ACAN: variants seen among roughly 807,000 people sequenced by gnomAD.
The protein encoded by ACAN is aggrecan, also known as aggrecan core protein.
A neutral mutation model predicts 169.1 loss-of-function variants in ACAN; 47 were observed. That is an observed-to-expected ratio of 0.28 (90% CI 0.22 to 0.35). ACAN has a LOEUF of 0.35. Among genes scored for constraint, ACAN ranks in the 10% least tolerant of loss-of-function variants. The pLI is 1.00. For synonymous variants in ACAN, 1,115 were observed against 1,112.2 expected (o/e 1.00, Z -0.05); for missense variants, 2,716 against 2,759.9 (o/e 0.98, Z 0.36).
intron 1 of ACAN, among the ~76,000 whole-genome samples, chr15:88,816,064 C>T (rs1176184508): frequency 1.3e-5 from 2 of 152,200 alleles, no homozygotes; most frequent in African/African-American, 4.8e-5. Flanking sequence ...TCTGCCTCGG[C>T]TGTCACTTGG....
rs760924730 is a variant in ACAN at position 88,849,704 on chromosome 15, T to G, written c.1999T>G (p.Ser667Ala). ...CCAGACGGGCCTCCCAGACCCACTGTCCCGGCACCATGCCTTCTGCTTCCG... is the reference window on the plus strand; with the variant it reads ...CCAGACGGGCCTCCCAGACCCACTGGCCCGGCACCATGCCTTCTGCTTCCG... ...PNQTGLPDPL[S>A]RHHAFCFRGI... The change falls in exon 10 of 19, where the codon TCC becomes GCC. Residue 667 changes from serine (S) to alanine (A), a missense_variant. Ser to Ala is a moderately conservative substitution (Grantham distance 99, BLOSUM62 1). Around this residue, in one of 3 missense-constraint regions of ACAN, gnomAD observed 1,283 missense variants for 1,281.5 expected, o/e 1.00. Transcript: ENST00000560601. The surrounding 1 kb of genome is among the most constrained non-coding windows in gnomAD (Gnocchi z 5.1). The G allele has an allele frequency of 8.1e-6, 13 of 1,613,804 alleles. No individual in the cohort carries two copies. Among genetic ancestry groups the G allele is most frequent in the Non-Finnish European group, 1.1e-5 (13 of 1,179,870 alleles).
intron 1 of ACAN, among the ~76,000 whole-genome samples, chr15:88,819,203 A>G (rs977787985): frequency 6.6e-6 from 1 of 152,218 alleles, no homozygotes; most frequent in Non-Finnish European, 1.5e-5. Context: ...CTGGAAAGGA[A>G]GGAAACAAAG....
At chr15:88,832,181 C>A (rs1020352000) in intron 1 of ACAN, among the ~76,000 whole-genome samples, 5 of 151,574 alleles carry the variant, frequency 3.3e-5, no homozygotes, top group African/African-American at 1.2e-4. Flanking sequence ...TATTGTAAAG[C>A]ATCATGATCG....
rs1896723049 is a variant in ACAN, at chr15:88,843,637, T to C, written c.1040T>C (p.Ile347Thr). Residue 347 changes from isoleucine (I) to threonine (T), a missense_variant, in exon 6 of 19, where the codon ATC (isoleucine) becomes ACC (threonine). Physicochemically the swap from Ile to Thr is moderately conservative, Grantham distance 89. Transcript: ENST00000560601. The surrounding 1 kb of genome is among the most constrained non-coding windows in gnomAD (Gnocchi z 4.0). ...YPDPSSRYDA[I>T]CYTGEDFVDI... is the part of the protein sequence containing the mutation. ...GACCCCTCATCCCGCTACGACGCCA[T>C]CTGCTACACAGGTGGGGCACGGCTG... 1 of 1,578,450 alleles carries C rather than the reference T, an allele frequency of 6.3e-7. No individual in the cohort carries two copies. Among genetic ancestry groups the C allele is most frequent in the Non-Finnish European group, 8.7e-7 (1 of 1,154,730 alleles).
Position 88,807,783 on chromosome 15 carries a change from T to TGTGTGC in ACAN, c.-8+3977_-8+3978insTGCGTG, listed in dbSNP as rs1417635759. On this transcript the variant is annotated intron_variant, in intron 1 of 18. Coordinates refer to ENST00000560601, the MANE Select transcript of ACAN (RefSeq NM_001369268.1). The surrounding 1 kb of genome is among the most constrained non-coding windows in gnomAD (Gnocchi z 4.0). ...GTGTGTGTGTGTGTGTGTGTGTGTG[T>TGTGTGC]GTGCATGCTGGCAGGGCGGGCCCTG... Among the ~76,000 whole-genome samples the TGTGTGC allele has an allele frequency of 3.3e-5, 5 of 151,886 alleles. No homozygotes were observed. Among genetic ancestry groups the TGTGTGC allele is most frequent in the African/African-American group, 1.2e-4 (5 of 41,372 alleles).
At chr15:88,809,976 G>A (rs1895778194) in intron 1 of ACAN, among the ~76,000 whole-genome samples, 1 of 152,194 alleles carries the variant, frequency 6.6e-6, no homozygotes, top group South Asian at 2.1e-4. Flanking sequence ...CCAAAGGGGT[G>A]GATTTGGGTA....
intron 1 of ACAN, among the ~76,000 whole-genome samples, chr15:88,812,587 C>T (rs1015002386): frequency 5.9e-5 from 9 of 152,210 alleles, no homozygotes; most frequent in Admixed American, 5.2e-4. Context: ...CCCTCTCGGT[C>T]CCCCTGCCCA....
rs142680203 is a variant in ACAN, at chr15:88,869,945, C to G, written c.7061-1437C>G. ...AGTTGCACCCTCCAGCTCTGCCTGC[C>G]CAGCTCAGCCCTTAGCCACTGAAGG... is the stretch of plus-strand genomic sequence containing the variant. On this transcript the variant is annotated intron_variant, in intron 14 of 18. Coordinates refer to ENST00000560601, the MANE Select transcript of ACAN (RefSeq NM_001369268.1). The surrounding 1 kb of genome is among the most constrained non-coding windows in gnomAD (Gnocchi z 4.2). Among the ~76,000 whole-genome samples, 6 of 152,286 alleles carry G rather than the reference C, an allele frequency of 3.9e-5. No individual in the cohort carries two copies. Among genetic ancestry groups the G allele is most frequent in the African/African-American group, 1.4e-4 (6 of 41,554 alleles).
At chr15:88,835,406 T>TACAC (rs142175879) in intron 1 of ACAN, among the ~76,000 whole-genome samples, 34 of 150,154 alleles carry the variant, frequency 2.3e-4, no homozygotes, top group African/African-American at 7.6e-4. Flanking sequence ...GACACACACA[T>TACAC]ACACACACAC....
At chr15:88,831,254 C>T (rs1596125151) in intron 1 of ACAN, among the ~76,000 whole-genome samples, 1 of 152,234 alleles carries the variant, frequency 6.6e-6, no homozygotes, top group Admixed American at 6.5e-5. Flanking sequence ...ATTGTTCCTC[C>T]TCTGGGCCGC....
chr15:88,824,135 T>A (rs1327192178), intron 1 of ACAN, among the ~76,000 whole-genome samples: 1 of 151,914 alleles, frequency 6.6e-6, no homozygotes, highest in Non-Finnish European at 1.5e-5. Context: ...CCATCCTGGC[T>A]AACACAGTGA....
At chr15:88,836,986 G>A (rs1896520529) in intron 2 of ACAN, among the ~76,000 whole-genome samples, 1 of 152,200 alleles carries the variant, frequency 6.6e-6, no homozygotes, top group African/African-American at 2.4e-5. Flanking sequence ...GAGTCAGCAG[G>A]GCCAATGTGT....
intron 1 of ACAN, among the ~76,000 whole-genome samples, chr15:88,820,082 C>T (rs1227608670): frequency 1.3e-5 from 2 of 152,184 alleles, no homozygotes; most frequent in South Asian, 2.1e-4. Flanking sequence ...GAGCATTAAA[C>T]GAGATGAGGC....
Position 88,872,200 on chromosome 15 carries a change from C to T in ACAN, c.7302+115C>T, listed in dbSNP as rs1489366210. On this transcript the variant is annotated intron_variant, in intron 16 of 18. Transcript: ENST00000560601. This position sits in a 1 kb window ranked among gnomAD's most constrained non-coding sequence, Gnocchi z 5.4. ...GACAGCCGCTTACCAGCTGCTGGAC[C>T]GGGAACCCTTGAGGGCAGGGATTAT... 8.9e-6 allele frequency: 8 copies of T among 902,068 alleles called. No homozygotes were observed. The highest frequency in any genetic ancestry group is 4.0e-5 in the Admixed American group (2 of 50,620). The allele number at this position is 902,068 out of a possible 1,614,324, so 55.9% of individuals were successfully genotyped here.
rs1897316225 is a variant in ACAN, at chr15:88,868,435, G to A, written c.7060+106G>A. Reference sequence around the variant, plus strand: ...GCTCCAGGCCCTGGCTGGGGCCCCCGAGGTTCATCTGGAGAGCCATTTCAG... The same window carrying A: ...GCTCCAGGCCCTGGCTGGGGCCCCCAAGGTTCATCTGGAGAGCCATTTCAG... On this transcript the variant is annotated intron_variant, in intron 14 of 18. Transcript: ENST00000560601. The surrounding 1 kb of genome is among the most constrained non-coding windows in gnomAD (Gnocchi z 5.2). 8.5e-6 allele frequency: 5 copies of A among 589,832 alleles called. No homozygotes were observed. Among genetic ancestry groups the A allele is most frequent in the Middle Eastern group, 3.7e-4 (1 of 2,668 alleles). The allele number at this position is 589,832 out of a possible 1,614,324, so 36.5% of individuals were successfully genotyped here.
chr15:88,833,326 CACATG>C (rs2141549160), intron 1 of ACAN, among the ~76,000 whole-genome samples: 1 of 152,306 alleles, frequency 6.6e-6, no homozygotes, highest in African/African-American at 2.4e-5. Flanking sequence ...GAACCCAAAC[CACATG>C]ACTCTCACCC....
chr15:88,860,737 C>T (rs924830202), intron 13 of ACAN, among the ~76,000 whole-genome samples: 1 of 152,182 alleles, frequency 6.6e-6, no homozygotes, highest in Non-Finnish European at 1.5e-5. Flanking sequence ...GGAGATGAGA[C>T]TTCAAAGAAA....
rs1425119480 is a variant in ACAN, at chr15:88,858,765, G to A, written c.6180G>A (p.Val2060=). The A allele has an allele frequency of 6.2e-7, 1 of 1,613,920 alleles. No individual in the cohort carries two copies. The highest frequency in any genetic ancestry group is 8.5e-7 in the Non-Finnish European group (1 of 1,179,886). ...ISQELGQRPP[V]THTPQLFESS... ...AGGAACTAGGCCAAAGGCCCCCTGT[G>A]ACACACACACCCCAGCTTTTTGAGT... The change falls in exon 12 of 19, where the codon GTG becomes GTA. Residue 2060 remains valine (V), a synonymous_variant. Transcript: ENST00000560601. The surrounding 1 kb of genome is among the most constrained non-coding windows in gnomAD (Gnocchi z 4.0).
intron 1 of ACAN, among the ~76,000 whole-genome samples, chr15:88,816,244 T>TTTTTTGG (rs1895940306): frequency 6.6e-6 from 1 of 152,234 alleles, no homozygotes; most frequent in Non-Finnish European, 1.5e-5. Flanking sequence ...GGTTCAGGCT[T>TTTTTTGG]AGACATAAGG....
Sources: allele counts gnomAD v4.1 joint callset (sites outside exome capture counted in the v4.1 genomes callset), GRCh38; gene constraint gnomAD v4.1.1; regional missense constraint gnomAD v4.1.1; non-coding constraint Gnocchi (gnomAD v3.1); transcripts MANE v1.5; gene names NCBI Gene and HGNC (gene_info 2026-07-23, HGNC 2026-07-21).